The following UBE2W variants were observed in gnomAD, a reference collection of about 807,000 sequenced individuals.
UBE2W encodes ubiquitin-conjugating enzyme E2 W.
Under a neutral mutation model 27.2 loss-of-function variants are expected in UBE2W, and 18 were observed. The ratio of observed to expected loss-of-function variants is 0.66; its 90% CI spans 0.46 to 0.98. The LOEUF (loss-of-function observed/expected upper bound fraction) is 0.98, where lower values mean the gene tolerates loss of function less well. Ranked by LOEUF, UBE2W falls within the 50% of genes least tolerant of loss-of-function variation. The pLI is 0.00. For missense variants in UBE2W, 90 were observed against 180.2 expected (o/e 0.50, Z 2.87); for synonymous variants, 53 against 57.2 (o/e 0.93, Z 0.33).
chr8:73,868,289 C>A (rs763451307), intron 1 of UBE2W, among the ~76,000 whole-genome samples: 1 of 152,122 alleles, frequency 6.6e-6, no homozygotes, highest in African/African-American at 2.4e-5. Context: ...TGTAAAAACC[C>A]GAAAGGAGAG....
At chr8:73,805,463 A>ACAAAAAAC (rs1554579953) in intron 5 of UBE2W, among the ~76,000 whole-genome samples, 188 bp downstream of exon 5, 2 of 129,396 alleles carry the variant, frequency 1.5e-5, no homozygotes, top group South Asian at 2.5e-4. Flanking sequence ...TCAAAAAAAA[A>ACAAAAAAC]AAAAAAAACA....
At chr8:73,785,152 TTTTTA>T (rs1807913337), downstream of UBE2W, among the ~76,000 whole-genome samples, 1 of 152,144 alleles carries the variant, frequency 6.6e-6, no homozygotes. Context: ...CATGACAATA[TTTTTA>T]TTTTTTTTAG....
At position 73,791,410 on chromosome 8, in the gene UBE2W, T is replaced by C. The variant is rs1291438605; in HGVS notation, c.*2692A>G. The C allele has an allele frequency of 1.0e-6, 1 of 983,202 alleles. No individual in the cohort carries two copies. The highest frequency in any genetic ancestry group is 1.2e-6 in the Non-Finnish European group (1 of 828,564). 60.9% of individuals were successfully genotyped at this position (983,202 alleles called of 1,614,324 possible). A position where few individuals can be genotyped will look rare whatever the true frequency, so the allele number is the denominator to read the frequency against. On this transcript the variant is annotated 3_prime_UTR_variant, in exon 6 of 6. Transcript: ENST00000602593. ...AAATAAATAAATAAAAGAAGAAGAG[T>C]GTACCTTATCTTCTAAGTATGAAAG...
chr8:73,865,217 G>T (rs1222492531), intron 1 of UBE2W, among the ~76,000 whole-genome samples: 1 of 132,150 alleles, frequency 7.6e-6, no homozygotes, highest in Non-Finnish European at 1.5e-5. Context: ...AGCACTGCGA[G>T]TATCAATTTT....
At chr8:73,839,889 A>G (rs1810470799) in intron 1 of UBE2W, among the ~76,000 whole-genome samples, 1 of 151,236 alleles carries the variant, frequency 6.6e-6, no homozygotes, top group Admixed American at 6.6e-5. Flanking sequence ...GCATCACCAC[A>G]CCTGGCTAAA....
At chr8:73,858,309 C>T (rs910373370) in intron 1 of UBE2W, among the ~76,000 whole-genome samples, 1 of 146,048 alleles carries the variant, frequency 6.8e-6, no homozygotes, top group South Asian at 2.1e-4. Flanking sequence ...TGCAGTGAGC[C>T]GAGATTATGT....
At chr8:73,835,024 C>T (rs1043754741) in intron 1 of UBE2W, among the ~76,000 whole-genome samples, 3 of 152,096 alleles carry the variant, frequency 2.0e-5, no homozygotes, top group African/African-American at 7.2e-5. Context: ...TTTTGGGAAA[C>T]ACTGCTGCAG....
At chr8:73,781,605 C>T (rs957668927), downstream of UBE2W, among the ~76,000 whole-genome samples, 2 of 146,778 alleles carry the variant, frequency 1.4e-5, no homozygotes, top group Non-Finnish European at 3.0e-5. Context: ...GGAATTTGTC[C>T]GACTCAGGTT....
At position 73,789,907 on chromosome 8, in the gene UBE2W, GA is replaced by G; in HGVS notation, c.*4194del. On this transcript the variant is annotated 3_prime_UTR_variant, in exon 6 of 6. Coordinates refer to ENST00000602593, the MANE Select transcript of UBE2W (RefSeq NM_018299.6). ...TCAAAATGACTTAGAAATTTAAATG[GA>G]AAAAATAAATAATTTGCTTGGACAA... The G allele has an allele frequency of 2.0e-6, 2 of 979,068 alleles. No homozygotes were observed. Among genetic ancestry groups the G allele is most frequent in the Non-Finnish European group, 2.4e-6 (2 of 824,400 alleles). The allele number at this position is 979,068 out of a possible 1,614,324, so 60.6% of individuals were successfully genotyped here.
At chr8:73,855,517 T>C (rs1811259993) in intron 1 of UBE2W, among the ~76,000 whole-genome samples, 2 of 148,356 alleles carry the variant, frequency 1.3e-5, no homozygotes, top group African/African-American at 5.0e-5. Flanking sequence ...TTGTCCTGCC[T>C]CAGCCTCCCA....
chr8:73,786,180 AAAGAT>A (rs1295253178), downstream of UBE2W: 2 of 974,222 alleles, frequency 2.1e-6, no homozygotes, highest in African/African-American at 3.5e-5. Flanking sequence ...CCTCAGAGAT[AAAGAT>A]ATGAGAAACA....
chr8:73,865,293 G>A (rs1233281689), intron 1 of UBE2W, among the ~76,000 whole-genome samples: 5 of 151,238 alleles, frequency 3.3e-5, no homozygotes, highest in African/African-American at 9.8e-5. Flanking sequence ...TAATGAAGCC[G>A]GACCATAGAA....
At position 73,787,642 on chromosome 8, in the gene UBE2W, C is replaced by T; in HGVS notation, c.*6460G>A. 1 of 985,400 alleles carries T rather than the reference C, an allele frequency of 1.0e-6. No homozygotes were observed. The highest frequency in any genetic ancestry group is 4.7e-5 in the South Asian group (1 of 21,284). The allele number at this position is 985,400 out of a possible 1,614,324, so 61.0% of individuals were successfully genotyped here. On this transcript the variant is annotated 3_prime_UTR_variant, in exon 6 of 6. Coordinates refer to ENST00000602593, the MANE Select transcript of UBE2W (RefSeq NM_018299.6). Reference sequence around the variant, plus strand: ...GCAGAGCATATTTAATTCCTCCTGTCAGGAATAACAGATGCTGAGATAGCC... The same window carrying T: ...GCAGAGCATATTTAATTCCTCCTGTTAGGAATAACAGATGCTGAGATAGCC...
intron 1 of UBE2W, among the ~76,000 whole-genome samples, chr8:73,871,835 T>C (rs528761711): frequency 6.6e-6 from 1 of 152,324 alleles, no homozygotes; most frequent in South Asian, 2.1e-4. Context: ...TATATACTTT[T>C]TGAGACAGGG....
At chr8:73,867,768 C>T (rs554499109) in intron 1 of UBE2W, among the ~76,000 whole-genome samples, 19 of 151,436 alleles carry the variant, frequency 1.3e-4, no homozygotes, top group African/African-American at 3.9e-4. Flanking sequence ...ATTTCTCCAC[C>T]GAAATACCAA....
intron 1 of UBE2W, among the ~76,000 whole-genome samples, chr8:73,856,115 CTA>C (rs1375317588): frequency 3.3e-5 from 5 of 151,986 alleles, no homozygotes; most frequent in Non-Finnish European, 5.9e-5. Flanking sequence ...TCCAAAAAAA[CTA>C]AGTAATAAAT....
rs947918689 is a variant in UBE2W at position 73,870,445 on chromosome 8, T to C, written c.15+8363A>G. The C allele has an allele frequency of 2.1e-5, 15 of 714,674 alleles. No individual in the cohort carries two copies. In the Admixed American group the frequency reaches 3.0e-4, roughly 14 times the overall value. 44.3% of individuals were successfully genotyped at this position (714,674 alleles called of 1,614,324 possible). A position where few individuals can be genotyped will look rare whatever the true frequency, so the allele number is the denominator to read the frequency against. ...TAGAGCTAGCTTAAAATGGGAAACA[T>C]AGCATTAAAAGATAATTCACCAATT... On this transcript the variant is annotated intron_variant, in intron 1 of 5. Coordinates refer to ENST00000602593, the MANE Select transcript of UBE2W (RefSeq NM_018299.6).
intron 2 of UBE2W, among the ~76,000 whole-genome samples, chr8:73,828,764 T>G (rs1045359178): frequency 1.3e-5 from 2 of 152,178 alleles, no homozygotes; most frequent in Non-Finnish European, 2.9e-5. Flanking sequence ...AGTTATCCTT[T>G]CTGTTACAAT....
Position 73,790,852 on chromosome 8 carries a change from TAAGC to T in UBE2W, c.*3246_*3249del. The T allele has an allele frequency of 1.0e-6, 1 of 984,982 alleles. No individual in the cohort carries two copies. The highest frequency in any genetic ancestry group is 1.2e-6 in the Non-Finnish European group (1 of 829,528). 61.0% of individuals were successfully genotyped at this position (984,982 alleles called of 1,614,324 possible). ...ATCTTTGATGCAACTTGGAAACAAT[TAAGC>T]AGTCACTAGACACCTGTTTTAGAAT... On this transcript the variant is annotated 3_prime_UTR_variant, in exon 6 of 6. Transcript: ENST00000602593.
Sources: gnomAD v4.1 joint callset for allele counts (sites outside exome capture counted in the v4.1 genomes callset) on GRCh38, gnomAD v4.1.1 for gene constraint, MANE v1.5 for transcripts, NCBI Gene and HGNC (gene_info 2026-07-23, HGNC 2026-07-21) for gene names.